The following FAM151A variants were observed in gnomAD, a reference collection of about 807,000 sequenced individuals.
FAM151A encodes family with sequence similarity 151 member A, also known as protein FAM151A.
FAM151A carries 41 observed loss-of-function variants against 40.4 expected under a neutral mutation model. That is an observed-to-expected ratio of 1.01 (90% CI 0.79 to 1.32). FAM151A has a LOEUF of 1.32. Ranked by LOEUF, FAM151A falls within the 40% of genes most tolerant of loss-of-function variation. The pLI, the probability that FAM151A is intolerant of heterozygous loss-of-function variation, is 0.00. For missense variants in FAM151A, 740 were observed against 740.4 expected, an observed-to-expected ratio of 1.00 and a Z score of 0.01; for synonymous variants, 337 against 312.5, an observed-to-expected ratio of 1.08 and a Z score of -0.83.
chr1:54,622,275 C>CAAA (rs34730286), intron 1 of FAM151A, among the ~76,000 whole-genome samples: 1,164 of 45,918 alleles, frequency 0.025, 30 homozygotes, highest in Non-Finnish European at 0.04. Context: ...GACTCTGTCT[C>CAAA]AAAAAAAAAA....
intron 1 of FAM151A, among the ~76,000 whole-genome samples, chr1:54,620,725 T>C (rs1437199823): frequency 6.6e-6 from 1 of 150,988 alleles, no homozygotes; most frequent in African/African-American, 2.4e-5. Context: ...GGCAGGAGCC[T>C]GTAATCCCAG....
chr1:54,611,020 G>GT (rs1644111826), intron 6 of FAM151A: 2 of 985,374 alleles, frequency 2.0e-6, no homozygotes, highest in African/African-American at 1.7e-5. Flanking sequence ...ATAATGGGGG[G>GT]TTTGGAATTT....
intron 4 of FAM151A, among the ~76,000 whole-genome samples, chr1:54,614,011 A>T (rs1196597719): frequency 6.6e-6 from 1 of 152,234 alleles, no homozygotes; most frequent in Non-Finnish European, 1.5e-5. Context: ...CATAAGAGTT[A>T]AACGGTGTTC....
intron 1 of FAM151A, among the ~76,000 whole-genome samples, chr1:54,622,322 T>C (rs1282997320): frequency 1.4e-5 from 2 of 146,002 alleles, no homozygotes; most frequent in Non-Finnish European, 1.5e-5. Flanking sequence ...GGCTCATGCC[T>C]GTAATCCCAG....
chr1:54,609,243 C>T lies in FAM151A; in HGVS notation c.*25G>A. The T allele has an allele frequency of 6.3e-7, 1 of 1,593,474 alleles. No homozygotes were observed. The highest frequency in any genetic ancestry group is 8.6e-7 in the Non-Finnish European group (1 of 1,168,034). On this transcript the variant is annotated 3_prime_UTR_variant, in exon 8 of 8. Coordinates refer to ENST00000302250, the MANE Select transcript of FAM151A (RefSeq NM_176782.3). ...CCGTGGGAAGCCTCCGCCCTGAGGT[C>T]CGCTGGCCCACCACCCCTGGGTGCT...
At chr1:54,614,590 T>TA (rs751321660) in intron 4 of FAM151A, 110 bp downstream of exon 4, 5 of 1,121,134 alleles carry the variant, frequency 4.5e-6, no homozygotes, top group Non-Finnish European at 6.3e-6. Context: ...GGTGAGGCTA[T>TA]ATATAGTATG....
intron 2 of FAM151A, among the ~76,000 whole-genome samples, chr1:54,619,328 C>G (rs986128673): frequency 3.9e-5 from 6 of 152,220 alleles, no homozygotes; most frequent in African/African-American, 1.4e-4. Flanking sequence ...AGCGTGCACT[C>G]TGGGACTGAC....
chr1:54,618,447 G>A (rs574833471), intron 2 of FAM151A, among the ~76,000 whole-genome samples: 5 of 152,298 alleles, frequency 3.3e-5, no homozygotes, highest in Admixed American at 6.5e-5. Flanking sequence ...GGAGGTTGCA[G>A]TGAGCCAAGA....
At position 54,623,265 on chromosome 1, in the gene FAM151A, G is replaced by A; in HGVS notation, c.118+13C>T. 1.9e-6 allele frequency: 3 copies of A among 1,594,106 alleles called. No individual in the cohort carries two copies. The highest frequency in any genetic ancestry group is 2.6e-6 in the Non-Finnish European group (3 of 1,162,212). ...GGGAAGCCACTCAGGATGACATGGG[G>A]GGAGGCACCTACCTGGCCGCCGCAG... is the stretch of plus-strand genomic sequence containing the variant. On this transcript the variant is annotated intron_variant, in intron 1 of 7. Transcript: ENST00000302250.
intron 3 of FAM151A, 110 bp downstream of exon 3, chr1:54,615,910 T>G: frequency 1.1e-5 from 13 of 1,145,438 alleles, no homozygotes; most frequent in South Asian, 2.7e-5. Context: ...GCCAAGGCAA[T>G]GAGCACCTCG....
chr1:54,614,646 A>T, intron 4 of FAM151A, 54 bp downstream of exon 4: 1 of 1,543,576 alleles, frequency 6.5e-7, no homozygotes, highest in Non-Finnish European at 8.8e-7. Context: ...ATCCTGTGGT[A>T]GGTGTTGACA....
At position 54,609,408 on chromosome 1, in the gene FAM151A, C is replaced by T. The variant is rs767136119; in HGVS notation, c.1618G>A (p.Glu540Lys). Residue 540 changes from glutamate (E) to lysine (K), a missense_variant, in exon 8 of 8, where the codon GAG (glutamate) becomes AAG (lysine). Glu to Lys is a moderately conservative substitution (Grantham distance 56). Transcript: ENST00000302250. Reference protein sequence around the residue: ...ASSPRATVTVEHNPAGGDYAS... With the variant: ...ASSPRATVTVKHNPAGGDYAS... ...TAGTCGCCCCCAGCTGGGTTGTGCT[C>T]CACTGTGACGGTGGCCCGGGGGGAG... 3.7e-6 allele frequency: 6 copies of T among 1,614,030 alleles called. No homozygotes were observed. Among genetic ancestry groups the T allele is most frequent in the Non-Finnish European group, 5.1e-6 (6 of 1,180,030 alleles).
intron 1 of FAM151A, among the ~76,000 whole-genome samples, chr1:54,620,845 CAAAA>C (rs767625864): frequency 8.5e-3 from 103 of 12,090 alleles, no homozygotes; most frequent in Non-Finnish European, 0.013. Flanking sequence ...GAGACTCTGT[CAAAA>C]AAAAAAAAAA....
chr1:54,612,785 T>C, intron 4 of FAM151A, 75 bp from the exon 5 acceptor site: 1 of 1,073,848 alleles, frequency 9.3e-7, no homozygotes, highest in East Asian at 2.4e-5. Flanking sequence ...CTCATCACAG[T>C]GCTAGGGAGT....
intron 6 of FAM151A, 73 bp downstream of exon 6, chr1:54,611,533 T>A: frequency 6.6e-7 from 1 of 1,513,664 alleles, no homozygotes; most frequent in Non-Finnish European, 9.1e-7. Context: ...CACCCAGCTC[T>A]GCTCCAGTGC....
chr1:54,622,991 AT>A (rs1335948704), intron 1 of FAM151A, among the ~76,000 whole-genome samples: 1 of 151,998 alleles, frequency 6.6e-6, no homozygotes, highest in Non-Finnish European at 1.5e-5. Flanking sequence ...CCTGGCCAAC[AT>A]GGTGAAACCC....
chr1:54,618,834 G>C (rs948924229), intron 2 of FAM151A, among the ~76,000 whole-genome samples: 1 of 152,098 alleles, frequency 6.6e-6, no homozygotes, highest in Admixed American at 6.6e-5. Flanking sequence ...TCTTGGGAAG[G>C]TTATTTGATC....
chr1:54,615,863 C>T lies in FAM151A; in HGVS notation c.415+157G>A, dbSNP rs377412900. Among the ~76,000 whole-genome samples the T allele has an allele frequency of 8.9e-4, 136 of 152,318 alleles. 6 individuals are homozygous for T. The South Asian group carries it at 0.027, about 30-fold the overall frequency. On this transcript the variant is annotated intron_variant, in intron 3 of 7. Coordinates refer to ENST00000302250, the MANE Select transcript of FAM151A (RefSeq NM_176782.3). ...CATGCTCCCCATCTCGCCTAGTCCT[C>T]ACTGAGCCTGGGCATCTATAACATT... is the stretch of plus-strand genomic sequence containing the variant.
At chr1:54,611,862 C>T (rs541940461) in intron 5 of FAM151A, 117 bp from the exon 6 acceptor site, 113 of 1,195,898 alleles carry the variant, frequency 9.4e-5, no homozygotes, top group African/African-American at 1.1e-4. Context: ...GTCCTCCAGT[C>T]GCCCACCTGC....
Sources: gnomAD v4.1 joint callset for allele counts (sites outside exome capture counted in the v4.1 genomes callset) on GRCh38, gnomAD v4.1.1 for gene constraint, MANE v1.5 for transcripts, NCBI Gene and HGNC (gene_info 2026-07-23, HGNC 2026-07-21) for gene names.